Variants in LRP1B observed in about 807,000 individuals in gnomAD.
LRP1B encodes the protein LDL receptor related protein 1B, also known as low-density lipoprotein receptor-related protein 1B.
A neutral mutation model predicts 556.6 loss-of-function variants in LRP1B; 217 were observed. That is an observed-to-expected ratio of 0.39 (90% CI 0.35 to 0.44). The LOEUF is 0.44. Ranked by LOEUF, LRP1B falls within the 20% of genes least tolerant of loss-of-function variation. The pLI is 1.00. For synonymous variants in LRP1B, 2,047 were observed against 1,865.8 expected, an observed-to-expected ratio of 1.10 and a Z score of -2.50; for missense variants, 5,053 against 5,620.8, an observed-to-expected ratio of 0.90 and a Z score of 3.23.
chr2:140,528,403 T>TA (rs957506068), intron 47 of LRP1B, among the ~76,000 whole-genome samples: 16 of 151,936 alleles, frequency 1.1e-4, no homozygotes, highest in African/African-American at 3.6e-4. Context: ...AGTAGTAATT[T>TA]AAAAAACTGT....
At chr2:140,960,000 T>A (rs1231845321) in intron 18 of LRP1B, among the ~76,000 whole-genome samples, 2 of 146,330 alleles carry the variant, frequency 1.4e-5, no homozygotes. Flanking sequence ...TCATTTTTGC[T>A]ACTTTTAAAA....
At chr2:141,797,043 A>C (rs1360208393) in intron 2 of LRP1B, among the ~76,000 whole-genome samples, 1 of 150,084 alleles carries the variant, frequency 6.7e-6, no homozygotes, top group African/African-American at 2.4e-5. Flanking sequence ...CAATTGTGTA[A>C]ATTTCTTAAA....
intron 2 of LRP1B, among the ~76,000 whole-genome samples, chr2:141,656,094 T>C (rs750677396): frequency 1.3e-5 from 2 of 152,140 alleles, no homozygotes; most frequent in Non-Finnish European, 2.9e-5. Context: ...GTTATGTGAC[T>C]TGCTAAAGTC....
chr2:141,260,416 T>C (rs535537155), intron 3 of LRP1B, among the ~76,000 whole-genome samples: 1 of 152,202 alleles, frequency 6.6e-6, no homozygotes, highest in African/African-American at 2.4e-5. Context: ...TGCGAGTATA[T>C]GATTTAGGAA....
intron 35 of LRP1B, among the ~76,000 whole-genome samples, chr2:140,757,127 C>A (rs1478015101): frequency 6.6e-6 from 1 of 152,164 alleles, no homozygotes; most frequent in African/African-American, 2.4e-5. Context: ...ACTTTATATT[C>A]ATCAGAATGG....
At chr2:140,978,979 T>C (rs1362731162) in intron 18 of LRP1B, among the ~76,000 whole-genome samples, 1 of 152,098 alleles carries the variant, frequency 6.6e-6, no homozygotes, top group Non-Finnish European at 1.5e-5. Context: ...TGAGAGCTTA[T>C]TTTTATTTTA....
rs1271643056 is a variant in LRP1B, at chr2:141,586,816, CCTGTAGT to C, written c.206-106290_206-106284del. On this transcript the variant is annotated intron_variant, in intron 2 of 90. Transcript: ENST00000389484. Reference sequence around the variant, plus strand: ...AATTAGCCGGGCATGGTGGCGGGCGCCTGTAGTCCCAGCTACTTGGGAGGCTGAGGCA... The same window carrying C: ...AATTAGCCGGGCATGGTGGCGGGCGCCCCAGCTACTTGGGAGGCTGAGGCA... Among the ~76,000 whole-genome samples, 62 of 152,066 alleles carry C rather than the reference CCTGTAGT, an allele frequency of 4.1e-4. 1 individual carries two copies. The highest frequency in any genetic ancestry group is 1.5e-3 in the African/African-American group (62 of 41,470).
At chr2:141,247,064 G>T (rs1684093870) in intron 5 of LRP1B, among the ~76,000 whole-genome samples, 162 bp downstream of exon 5, 1 of 152,174 alleles carries the variant, frequency 6.6e-6, no homozygotes, top group African/African-American at 2.4e-5. Context: ...ACAACTGAAA[G>T]AATTGCTCTG....
chr2:141,434,197 G>T (rs1021448981), intron 3 of LRP1B, among the ~76,000 whole-genome samples: 1 of 151,912 alleles, frequency 6.6e-6, no homozygotes, highest in African/African-American at 2.4e-5. Flanking sequence ...TTTCTCTTTT[G>T]CCTCACCTTC....
chr2:141,529,399 TAAG>T (rs1336510119), intron 2 of LRP1B, among the ~76,000 whole-genome samples: 2 of 152,138 alleles, frequency 1.3e-5, no homozygotes, highest in Non-Finnish European at 2.9e-5. Context: ...GGAAAAAGAT[TAAG>T]AAGAGAGAAC....
chr2:140,677,327 GGT>G (rs1428452171), intron 41 of LRP1B, among the ~76,000 whole-genome samples: 3 of 152,154 alleles, frequency 2.0e-5, no homozygotes, highest in Non-Finnish European at 4.4e-5. Context: ...GTTCAACCTT[GGT>G]GGCAATAGGA....
intron 3 of LRP1B, among the ~76,000 whole-genome samples, chr2:141,350,935 C>T (rs1040319440): frequency 6.6e-6 from 1 of 151,954 alleles, no homozygotes; most frequent in African/African-American, 2.4e-5. Flanking sequence ...ATTCATTGTG[C>T]ACTATTAAAC....
chr2:142,071,195 C>T (rs1166639095), intron 1 of LRP1B, among the ~76,000 whole-genome samples: 1 of 151,818 alleles, frequency 6.6e-6, no homozygotes, highest in African/African-American at 2.4e-5. Flanking sequence ...TAAAAACATC[C>T]TAAACCTCAA....
rs184617161 is a variant in LRP1B, at chr2:140,310,830, C to G, written c.12805+4105G>C. ...AACCTAGGAAAAACTTTCCAGGACA[C>G]TGGCCTAGGCAAAAAATTTATAACT... is the stretch of plus-strand genomic sequence containing the variant. On this transcript the variant is annotated intron_variant, in intron 83 of 90. Coordinates refer to ENST00000389484, the MANE Select transcript of LRP1B (RefSeq NM_018557.3). 2.6e-3 allele frequency among the ~76,000 whole-genome samples: 398 copies of G among 151,858 alleles called. 2 individuals carry two copies. Among genetic ancestry groups the G allele is most frequent in the African/African-American group, 9.2e-3 (382 of 41,514 alleles).
At chr2:140,771,356 C>T (rs1689305633) in intron 33 of LRP1B, among the ~76,000 whole-genome samples, 4 of 152,122 alleles carry the variant, frequency 2.6e-5, no homozygotes, top group Admixed American at 2.6e-4. Flanking sequence ...TTCAACTCTA[C>T]AATTACTTCC....
chr2:141,510,536 T>C (rs957818084), intron 2 of LRP1B, among the ~76,000 whole-genome samples: 3 of 152,064 alleles, frequency 2.0e-5, no homozygotes, highest in Admixed American at 6.6e-5. Context: ...AGGTAAAACA[T>C]ACTTTTCATT....
chr2:141,477,609 C>T (rs1443866137), intron 3 of LRP1B, among the ~76,000 whole-genome samples: 1 of 152,100 alleles, frequency 6.6e-6, no homozygotes, highest in South Asian at 2.1e-4. Flanking sequence ...GGTTTTTGTC[C>T]ATGTGGTGAG....
At chr2:141,425,594 T>A (rs1188145800) in intron 3 of LRP1B, among the ~76,000 whole-genome samples, 1 of 148,074 alleles carries the variant, frequency 6.8e-6, no homozygotes, top group African/African-American at 2.5e-5. Context: ...GTTTCCTGAC[T>A]TTTTAATGAT....
At chr2:140,902,417 G>GT (rs1344961094) in intron 23 of LRP1B, among the ~76,000 whole-genome samples, 4 of 152,060 alleles carry the variant, frequency 2.6e-5, no homozygotes, top group African/African-American at 9.7e-5. Flanking sequence ...AAGAATGAAT[G>GT]TAAGTTACAC....
Sources: gnomAD v4.1 joint callset for allele counts (sites outside exome capture counted in the v4.1 genomes callset) on GRCh38, gnomAD v4.1.1 for gene constraint, MANE v1.5 for transcripts, NCBI Gene and HGNC (gene_info 2026-07-23, HGNC 2026-07-21) for gene names.